Variants in BAIAP3 observed in about 807,000 individuals in gnomAD.
The protein encoded by BAIAP3 is BAI1 associated protein 3.
A neutral mutation model predicts 149.7 loss-of-function variants in BAIAP3; 180 were observed. That is an observed-to-expected ratio of 1.20 (90% confidence interval 1.07 to 1.36). The LOEUF (loss-of-function observed/expected upper bound fraction) is 1.36. Ranked by LOEUF, BAIAP3 falls within the 40% of genes most tolerant of loss-of-function variation. The pLI, the probability that BAIAP3 is intolerant of heterozygous loss-of-function variation, is 0.00. For synonymous variants in BAIAP3, 845 were observed against 670.7 expected, an observed-to-expected ratio of 1.26 and a Z score of -4.02; for missense variants, 1,767 against 1,563.4, an observed-to-expected ratio of 1.13 and a Z score of -2.20.
Position 1,345,281 on chromosome 16 carries a change from A to T in BAIAP3, c.1973A>T (p.His658Leu). The T allele has an allele frequency of 6.2e-7, 1 of 1,612,928 alleles. No individual in the cohort carries two copies. The highest frequency in any genetic ancestry group is 8.5e-7 in the Non-Finnish European group (1 of 1,179,866). Residue 658 changes from histidine (H) to leucine (L), a missense_variant, in exon 22 of 34, where the codon CAC (histidine) becomes CTC (leucine). Coordinates refer to ENST00000426824, the MANE Select transcript of BAIAP3 (RefSeq NM_001199097.2). ...CGCTCTCTGGCCCTGGCTGGCATCCACGCCCCCTTCCTGCCTGCTGTGAAG... is the reference window on the plus strand; with the variant it reads ...CGCTCTCTGGCCCTGGCTGGCATCCTCGCCCCCTTCCTGCCTGCTGTGAAG... Reference protein sequence around the residue: ...DSRSLALAGIHAPFLPAVKLW... With the variant: ...DSRSLALAGILAPFLPAVKLW...
rs1158988564 is a variant in BAIAP3 at position 1,346,657 on chromosome 16, C to T, written c.2615C>T (p.Ala872Val). ...GATGAGAAGCTGGCCCTGCTGAACG[C>T]CTCGCTGGTGAAGGGGAACCTGAGC... ...YLDEKLALLNASLVKGNLSRV... is the reference protein window; with the variant it reads ...YLDEKLALLNVSLVKGNLSRV... The change falls in exon 27 of 34, where the codon GCC becomes GTC. Residue 872 changes from alanine to valine, a missense_variant. Coordinates refer to ENST00000426824, the MANE Select transcript of BAIAP3 (RefSeq NM_001199097.2). 3.2e-5 allele frequency: 49 copies of T among 1,519,572 alleles called. No homozygotes were observed. Among genetic ancestry groups the T allele is most frequent in the Non-Finnish European group, 4.3e-5 (49 of 1,132,780 alleles). 94.1% of individuals were successfully genotyped at this position (1,519,572 alleles called of 1,614,324 possible). A position where few individuals can be genotyped will look rare whatever the true frequency, so the allele number is the denominator to read the frequency against.
Position 1,344,961 on chromosome 16 carries a change from C to T in BAIAP3, c.1810-8C>T. On this transcript the variant is annotated splice_polypyrimidine_tract_variant and splice_region_variant and intron_variant, in intron 20 of 33. Coordinates refer to ENST00000426824, the MANE Select transcript of BAIAP3 (RefSeq NM_001199097.2). ...CTGCTGGAGGCCTGATCCTGCTGTC[C>T]CGGACAGGTGGCTGAGGAGGCGTGG... 10 of 1,613,310 alleles carry T rather than the reference C, an allele frequency of 6.2e-6. No individual in the cohort carries two copies. The highest frequency in any genetic ancestry group is 8.5e-6 in the Non-Finnish European group (10 of 1,179,974).
At chr16:1,340,367 G>C (rs1474874251) in intron 5 of BAIAP3, among the ~76,000 whole-genome samples, 1 of 127,916 alleles carries the variant, frequency 7.8e-6, no homozygotes, top group Admixed American at 8.5e-5. Context: ...GGCTGCAGGT[G>C]CACACAGACA....
intron 31 of BAIAP3, 31 bp downstream of exon 31, chr16:1,347,852 G>A: frequency 6.2e-7 from 1 of 1,606,230 alleles, no homozygotes; most frequent in Non-Finnish European, 8.5e-7. Flanking sequence ...GTCGGGTGGT[G>A]GTGGGATGGG....
chr16:1,342,008 C>G lies in BAIAP3; in HGVS notation c.799C>G (p.Leu267Val), dbSNP rs766521449. The change falls in exon 10 of 34, where the codon CTG becomes GTG. Residue 267 changes from leucine to valine, a missense_variant. Coordinates refer to ENST00000426824, the MANE Select transcript of BAIAP3 (RefSeq NM_001199097.2). ...CAGGGATCATGACGACGATGTATCC[C>G]TGGTAGAAGCGTGCAGGAAGCTGAA... The part of the protein sequence containing the change: ...DIWDHDDDVS[L>V]VEACRKLNEV... 1 of 1,605,358 alleles carries G rather than the reference C, an allele frequency of 6.2e-7. No individual in the cohort carries two copies. The highest frequency in any genetic ancestry group is 1.3e-5 in the African/African-American group (1 of 74,720).
Position 1,345,085 on chromosome 16 carries a change from T to C in BAIAP3, c.1926T>C (p.Asp642=). 1.2e-6 allele frequency: 2 copies of C among 1,612,542 alleles called. No individual in the cohort carries two copies. Among genetic ancestry groups the C allele is most frequent in the East Asian group, 4.5e-5 (2 of 44,876 alleles). Residue 642 remains aspartate (D), a synonymous_variant, in exon 21 of 34, where the codon GAT becomes GAC. Coordinates refer to ENST00000426824, the MANE Select transcript of BAIAP3 (RefSeq NM_001199097.2). ...TGGCTGACCTCCAGCGCTTCTGGGA[T>C]AGCATCCCTGGCCGGTGGGTGCCCC... The part of the protein sequence containing the change: ...LTLADLQRFW[D]SIPGRDSRSL...
At chr16:1,342,501 G>A in intron 11 of BAIAP3, 26 bp from the exon 12 acceptor site, 1 of 1,541,310 alleles carries the variant, frequency 6.5e-7, no homozygotes, top group Non-Finnish European at 8.8e-7. Flanking sequence ...GGAGTCTGGT[G>A]GGCCTGACCC....
rs1225420639 is a variant in BAIAP3, at chr16:1,346,956, G to A, written c.2751+1G>A. On this transcript the variant is annotated splice_donor_variant, in intron 28 of 33. Coordinates refer to ENST00000426824, the MANE Select transcript of BAIAP3 (RefSeq NM_001199097.2). LOFTEE classifies it high-confidence loss of function. ...CAGCCGCTTCCATTTCACGCTGGAG[G>A]TAGAGCTCTGTGAAGGAGTCCTCCC... is the stretch of plus-strand genomic sequence containing the variant. 2 of 1,603,540 alleles carry A rather than the reference G, an allele frequency of 1.2e-6. No individual in the cohort carries two copies. The highest frequency in any genetic ancestry group is 1.1e-5 in the South Asian group (1 of 90,006).
intron 22 of BAIAP3, 133 bp from the exon 23 acceptor site, chr16:1,345,612 CAA>C: frequency 2.0e-6 from 1 of 511,786 alleles, no homozygotes; most frequent in Non-Finnish European, 3.1e-6. Context: ...GCCTCCTCAG[CAA>C]CCCCAGCCTC....
At chr16:1,334,812 C>T (rs1184181993) in intron 1 of BAIAP3, 13 of 1,472,036 alleles carry the variant, frequency 8.8e-6, no homozygotes, top group South Asian at 2.4e-5. Flanking sequence ...GAAGGGGAGT[C>T]GGGGGGCTGA....
At chr16:1,337,625 C>T (rs537195683) in intron 1 of BAIAP3, among the ~76,000 whole-genome samples, 4 of 152,266 alleles carry the variant, frequency 2.6e-5, no homozygotes, top group South Asian at 4.1e-4. Flanking sequence ...GGCCCAGGCT[C>T]CGGGCCTTGG....
rs112466031 is a variant in BAIAP3, at chr16:1,342,122, C to T, written c.854+59C>T. Reference sequence around the variant, plus strand: ...GTGCCCTCAGCTTGGTCATGGGGCCCGGCGGGCAGTGGCTCCCCAGGAGCC... The same window carrying T: ...GTGCCCTCAGCTTGGTCATGGGGCCTGGCGGGCAGTGGCTCCCCAGGAGCC... On this transcript the variant is annotated intron_variant, in intron 10 of 33. Coordinates refer to ENST00000426824, the MANE Select transcript of BAIAP3 (RefSeq NM_001199097.2). 52 of 1,567,912 alleles carry T rather than the reference C, an allele frequency of 3.3e-5. No individual in the cohort carries two copies. The African/African-American group carries it at 4.6e-4, about 14-fold the overall frequency.
Position 1,347,943 on chromosome 16 carries a change from T to A in BAIAP3, c.3075T>A (p.Phe1025Leu), listed in dbSNP as rs745356736. ...TGGAGCTGGGCCCACCGCATCTCTT[T>A]CCACTGGTCCGCAGCCAGAGGACCC... ...VIVELGPPHL[F>L]PLVRSQRTQV... Residue 1025 changes from phenylalanine (F) to leucine (L), a missense_variant, in exon 32 of 34, where the codon TTT becomes TTA. Phe to Leu is a conservative substitution (Grantham distance 22, BLOSUM62 0). Coordinates refer to ENST00000426824, the MANE Select transcript of BAIAP3 (RefSeq NM_001199097.2). 1 of 1,612,114 alleles carries A rather than the reference T, an allele frequency of 6.2e-7. No individual in the cohort carries two copies. Among genetic ancestry groups the A allele is most frequent in the South Asian group, 1.1e-5 (1 of 91,090 alleles).
intron 21 of BAIAP3, 39 bp from the exon 22 acceptor site, chr16:1,345,210 C>CT (rs765089153): frequency 3.7e-6 from 6 of 1,610,360 alleles, no homozygotes; most frequent in Non-Finnish European, 5.1e-6. Context: ...GTTAAGGTGT[C>CT]TGAGTCAGGG....
chr16:1,348,513 C>T lies in BAIAP3; in HGVS notation c.*31C>T, dbSNP rs758399523. ...TCAGCTGCCAGCCCCGGCCCTGGCC[C>T]CCACCCCAAGTTCCCTGAAGCATCC... On this transcript the variant is annotated 3_prime_UTR_variant, in exon 34 of 34. Transcript: ENST00000426824. 2.9e-5 allele frequency: 46 copies of T among 1,573,826 alleles called. No homozygotes were observed. The highest frequency in any genetic ancestry group is 3.9e-5 in the Non-Finnish European group (45 of 1,159,764).
At chr16:1,339,442 T>C in intron 4 of BAIAP3, 54 bp from the exon 5 acceptor site, 1 of 1,552,754 alleles carries the variant, frequency 6.4e-7, no homozygotes, top group Non-Finnish European at 8.8e-7. Context: ...GAGGTGCTGC[T>C]GAGGGCTGGG....
Position 1,347,623 on chromosome 16 carries a change from CAGGT to C in BAIAP3, c.2904+2_2904+5del. 1.2e-6 allele frequency: 2 copies of C among 1,613,054 alleles called. No homozygotes were observed. The highest frequency in any genetic ancestry group is 1.7e-6 in the Non-Finnish European group (2 of 1,179,966). ...GCAGTTCTACCTGGACAAGCTCAAA[CAGGT>C]AGGGAGGCGCCAGGGACAGGGTGCT... On this transcript the variant is annotated splice_donor_variant and coding_sequence_variant, in exon 30 of 34. Coordinates refer to ENST00000426824, the MANE Select transcript of BAIAP3 (RefSeq NM_001199097.2). LOFTEE classifies it high-confidence loss of function.
At chr16:1,341,561 G>A in intron 8 of BAIAP3, 72 bp downstream of exon 8, 1 of 1,524,054 alleles carries the variant, frequency 6.6e-7, no homozygotes, top group Non-Finnish European at 8.9e-7. Context: ...GTGCCTGGAG[G>A]GTGGTGGCTC....
Position 1,342,740 on chromosome 16 carries a change from C to A in BAIAP3, c.1087C>A (p.Arg363Ser). 1 of 1,612,468 alleles carries A rather than the reference C, an allele frequency of 6.2e-7. No homozygotes were observed. Among genetic ancestry groups the A allele is most frequent in the Non-Finnish European group, 8.5e-7 (1 of 1,180,000 alleles). ...TTQRDTAMSQ[R>S]GRSGFLSHLL... ...GCAGAGGGATACGGCCATGAGCCAG[C>A]GCGGGCGATCCGGCTTCCTGTCCCA... is the stretch of plus-strand genomic sequence containing the variant. Residue 363 changes from arginine (R) to serine (S), a missense_variant, in exon 13 of 34, where the codon CGC (arginine) becomes AGC (serine). Transcript: ENST00000426824.
Sources: gnomAD v4.1 joint callset for allele counts (sites outside exome capture counted in the v4.1 genomes callset) on GRCh38, gnomAD v4.1.1 for gene constraint, MANE v1.5 for transcripts, NCBI Gene and HGNC (gene_info 2026-07-23, HGNC 2026-07-21) for gene names.